SEC22A: variants seen among roughly 807,000 people sequenced by gnomAD.
The protein encoded by SEC22A is vesicle-trafficking protein SEC22a.
In SEC22A, 22 loss-of-function variants were observed where a neutral mutation model predicts 35.3. The ratio of observed to expected loss-of-function variants is 0.62; its 90% confidence interval spans 0.45 to 0.89. SEC22A has a LOEUF of 0.89. SEC22A is among the 40% of genes least tolerant of loss of function. SEC22A has a pLI of 0.00. For synonymous variants in SEC22A, 119 were observed against 129.5 expected (o/e 0.92, Z 0.55); for missense variants, 354 against 362.5 (o/e 0.98, Z 0.19).
chr3:123,247,252 AG>A (rs1937574888), intron 5 of SEC22A, among the ~76,000 whole-genome samples: 1 of 152,354 alleles, frequency 6.6e-6, no homozygotes, highest in African/African-American at 2.4e-5. Flanking sequence ...TCAACATAGT[AG>A]AAATAACAGT....
At chr3:123,229,811 G>A (rs148944778) in intron 4 of SEC22A, among the ~76,000 whole-genome samples, 4,878 of 151,848 alleles carry the variant, frequency 0.032, 106 homozygotes, top group African/African-American at 0.052. Flanking sequence ...GCCGTGAGCC[G>A]AGATCGCGCC....
intron 5 of SEC22A, among the ~76,000 whole-genome samples, chr3:123,255,431 A>G (rs1001310387): frequency 6.6e-6 from 1 of 152,052 alleles, no homozygotes; most frequent in Non-Finnish European, 1.5e-5. Flanking sequence ...GGTTACTTTC[A>G]TAATGGCCTT....
At chr3:123,209,018 C>T (rs1043273106) in intron 1 of SEC22A, 181 bp from the exon 2 acceptor site, 1 of 474,580 alleles carries the variant, frequency 2.1e-6, no homozygotes, top group Non-Finnish European at 3.9e-6. Flanking sequence ...TGGTCTCAAA[C>T]TCCTGATCTT....
intron 5 of SEC22A, among the ~76,000 whole-genome samples, chr3:123,251,800 TACA>T (rs140723809): frequency 0.2 from 29,824 of 152,138 alleles, 3,018 homozygotes; most frequent in Middle Eastern, 0.27. Flanking sequence ...CTGCATTGAG[TACA>T]ACAATGTTCT....
At chr3:123,220,708 C>T (rs1338315931) in intron 2 of SEC22A, among the ~76,000 whole-genome samples, 1 of 151,670 alleles carries the variant, frequency 6.6e-6, no homozygotes, top group African/African-American at 2.4e-5. Flanking sequence ...CACTAAATGA[C>T]TGTGTATTAA....
At chr3:123,262,511 T>C (rs1399247055) in intron 6 of SEC22A, among the ~76,000 whole-genome samples, 1 of 152,216 alleles carries the variant, frequency 6.6e-6, no homozygotes, top group South Asian at 2.1e-4. Flanking sequence ...AAAAGTGATA[T>C]GCACTCAGTA....
chr3:123,253,900 C>T (rs1055153209), intron 5 of SEC22A, among the ~76,000 whole-genome samples: 20 of 149,854 alleles, frequency 1.3e-4, no homozygotes, highest in Non-Finnish European at 7.4e-5. Context: ...CAAGACAGTG[C>T]CATAAAATAG....
chr3:123,214,199 T>A (rs1936985937), intron 2 of SEC22A, among the ~76,000 whole-genome samples: 2 of 151,832 alleles, frequency 1.3e-5, no homozygotes, highest in Non-Finnish European at 2.9e-5. Context: ...TGCCTCAAAA[T>A]AAATAAATAA....
At chr3:123,228,767 A>G (rs1014412440) in intron 4 of SEC22A, among the ~76,000 whole-genome samples, 5 of 152,004 alleles carry the variant, frequency 3.3e-5, no homozygotes, top group African/African-American at 1.2e-4. Context: ...GTAAAGGGGG[A>G]GGTATGATAA....
rs151068447 is a variant in SEC22A at position 123,249,514 on chromosome 3, C to CAT, written c.657+3513_657+3514dup. 8.5e-3 allele frequency among the ~76,000 whole-genome samples: 1,278 copies of CAT among 150,342 alleles called. 14 individuals carry two copies. The highest frequency in any genetic ancestry group is 0.028 in the African/African-American group (1,149 of 41,028). On this transcript the variant is annotated intron_variant, in intron 5 of 6. Transcript: ENST00000492595. ...TTCTGTGTCAGATACTGTTTTTTAT[C>CAT]ATATATATATATATGTATATATGTA...
intron 6 of SEC22A, 42 bp from the exon 7 acceptor site, chr3:123,271,480 T>G (rs368954727): frequency 1.4e-4 from 215 of 1,516,294 alleles, no homozygotes; most frequent in Non-Finnish European, 1.9e-4. Flanking sequence ...CTGTTTCTTT[T>G]CCTGTAACCC....
intron 1 of SEC22A, chr3:123,208,731 C>CA (rs1277393396): frequency 6.7e-6 from 1 of 148,496 alleles, no homozygotes; most frequent in African/African-American, 2.6e-5. Context: ...AAAAAAAAAA[C>CA]AAAAAACAAA....
chr3:123,220,811 C>T (rs79777903), intron 2 of SEC22A, among the ~76,000 whole-genome samples: 1,499 of 146,988 alleles, frequency 0.01, 29 homozygotes, highest in African/African-American at 0.035. Flanking sequence ...TAGTAATAGA[C>T]GACTAGTAGG....
intron 5 of SEC22A, among the ~76,000 whole-genome samples, chr3:123,249,254 C>T (rs1322347371): frequency 6.6e-6 from 1 of 152,076 alleles, no homozygotes; most frequent in Admixed American, 6.6e-5. Flanking sequence ...GCTCTGTGAA[C>T]CCCATCTTTT....
rs76933239 is a variant in SEC22A, at chr3:123,235,687, G to A, written c.542-10212G>A. On this transcript the variant is annotated intron_variant, in intron 4 of 6. Transcript: ENST00000492595. ...GGAATTCTACTCTTAGGTGTACCCCGGAGAAATGCAAACATATGTCCACAC... is the reference window on the plus strand; with the variant it reads ...GGAATTCTACTCTTAGGTGTACCCCAGAGAAATGCAAACATATGTCCACAC... Among the ~76,000 whole-genome samples, 1,081 of 152,240 alleles carry A rather than the reference G, an allele frequency of 7.1e-3. 19 individuals carry two copies. The highest frequency in any genetic ancestry group is 0.025 in the African/African-American group (1,031 of 41,522).
intron 6 of SEC22A, among the ~76,000 whole-genome samples, chr3:123,268,295 T>G (rs1464517158): frequency 3.3e-5 from 5 of 152,152 alleles, no homozygotes; most frequent in Non-Finnish European, 7.4e-5. Context: ...GAGGGTCTTT[T>G]TTGTTGTTTG....
At chr3:123,251,922 GT>G (rs1430293430) in intron 5 of SEC22A, among the ~76,000 whole-genome samples, 2 of 152,196 alleles carry the variant, frequency 1.3e-5, no homozygotes, top group African/African-American at 4.8e-5. Flanking sequence ...AAGATTCTGT[GT>G]CCTAAAAGAT....
At chr3:123,246,352 T>A (rs1311068626) in intron 5 of SEC22A, among the ~76,000 whole-genome samples, 1 of 151,642 alleles carries the variant, frequency 6.6e-6, no homozygotes, top group Non-Finnish European at 1.5e-5. Context: ...GGGGGAGAGG[T>A]CAGTATAATC....
chr3:123,245,181 G>A (rs1423665146), intron 4 of SEC22A, among the ~76,000 whole-genome samples: 1 of 152,142 alleles, frequency 6.6e-6, no homozygotes, highest in Non-Finnish European at 1.5e-5. Flanking sequence ...TTGCTTAAAA[G>A]TAAGCTATGT....
Sources: gnomAD v4.1 joint callset for allele counts (sites outside exome capture counted in the v4.1 genomes callset) on GRCh38, gnomAD v4.1.1 for gene constraint, MANE v1.5 for transcripts, NCBI Gene and HGNC (gene_info 2026-07-23, HGNC 2026-07-21) for gene names.